NUDT2: variants seen among roughly 807,000 people sequenced by gnomAD.
The protein encoded by NUDT2 is bis(5'-nucleosyl)-tetraphosphatase [asymmetrical].
In NUDT2, 12 loss-of-function variants were observed where a neutral mutation model predicts 14.2. The ratio of observed to expected loss-of-function variants is 0.84; its 90% CI spans 0.54 to 1.37. NUDT2 has a LOEUF of 1.37. Among genes scored for constraint, NUDT2 ranks in the 40% most tolerant of loss-of-function variants. NUDT2 has a pLI of 0.00. For missense variants in NUDT2, 167 were observed against 176.7 expected (o/e 0.95, Z 0.31); for synonymous variants, 67 against 67.4 (o/e 0.99, Z 0.03).
intron 2 of NUDT2, among the ~76,000 whole-genome samples, 191 bp from the exon 3 acceptor site, chr9:34,338,522 A>AC (rs1838155582): frequency 6.8e-6 from 1 of 147,858 alleles, no homozygotes; most frequent in Admixed American, 6.9e-5. Flanking sequence ...AAAAAAAAAA[A>AC]CTCAACGAAA....
At chr9:34,338,912 T>G (rs2131859434) in intron 3 of NUDT2, 65 bp downstream of exon 3, 131 of 856,656 alleles carry the variant, frequency 1.5e-4, no homozygotes, top group Middle Eastern at 2.4e-4. Flanking sequence ...CTGTGGGCTA[T>G]GAGATCACAG....
intron 1 of NUDT2, among the ~76,000 whole-genome samples, chr9:34,334,676 G>A (rs1838040954): frequency 6.6e-6 from 1 of 152,190 alleles, no homozygotes; most frequent in African/African-American, 2.4e-5. Context: ...GTTCTTTTGA[G>A]TCAATGAACA....
At chr9:34,338,380 T>C (rs1838151617) in intron 2 of NUDT2, among the ~76,000 whole-genome samples, 2 of 128,632 alleles carry the variant, frequency 1.6e-5, no homozygotes, top group Non-Finnish European at 3.2e-5. Flanking sequence ...GGTGGTGGCA[T>C]GCCTGTAGTC....
chr9:34,339,268 C>CAAAAAAAA, intron 4 of NUDT2, 102 bp downstream of exon 4: 1 of 1,420,192 alleles, frequency 7.0e-7, no homozygotes, highest in Admixed American at 2.0e-5. Context: ...GACTGTGTAG[C>CAAAAAAAA]AAAAAGGGGT....
At chr9:34,339,300 C>T in intron 4 of NUDT2, 134 bp downstream of exon 4, 1 of 1,050,078 alleles carries the variant, frequency 9.5e-7, no homozygotes, top group South Asian at 1.6e-5. Context: ...GAGCTCTTGA[C>T]CCTTTCTACA....
At chr9:34,330,594 GGTT>G (rs1201514943) in intron 1 of NUDT2, among the ~76,000 whole-genome samples, 3 of 152,206 alleles carry the variant, frequency 2.0e-5, no homozygotes, top group African/African-American at 7.2e-5. Flanking sequence ...TGCCTCAGCG[GGTT>G]GTTGTGAAGA....
Position 34,339,114 on chromosome 9 carries a change from G to A in NUDT2, c.75G>A (p.Glu25=), listed in dbSNP as rs1278850270. Residue 25 remains glutamate, a synonymous_variant, in exon 4 of 5, where the codon GAG becomes GAA. Coordinates refer to ENST00000379158, the MANE Select transcript of NUDT2 (RefSeq NM_001161.5). ...LIPKVDNNAI[E]FLLLQASDGI... ...CCAAAGTGGACAACAATGCAATTGA[G>A]TTTTTACTGCTGCAGGCATCAGATG... The A allele has an allele frequency of 1.9e-6, 3 of 1,614,168 alleles. No individual in the cohort carries two copies. The highest frequency in any genetic ancestry group is 1.1e-5 in the South Asian group (1 of 91,082).
chr9:34,342,883 G>A (rs79168492), intron 4 of NUDT2, among the ~76,000 whole-genome samples: 7,971 of 152,018 alleles, frequency 0.052, 296 homozygotes, highest in Non-Finnish European at 0.08. Context: ...ATAAATAGCT[G>A]GGCATGGTGG....
At chr9:34,342,881 C>G (rs530807655) in intron 4 of NUDT2, among the ~76,000 whole-genome samples, 1 of 151,950 alleles carries the variant, frequency 6.6e-6, no homozygotes, top group Admixed American at 6.6e-5. Flanking sequence ...AAATAAATAG[C>G]TGGGCATGGT....
intron 1 of NUDT2, among the ~76,000 whole-genome samples, chr9:34,332,335 C>A (rs771116448): frequency 6.6e-6 from 1 of 152,170 alleles, no homozygotes; most frequent in African/African-American, 2.4e-5. Context: ...ACCTTGTTAA[C>A]CTAAAGATGC....
rs1563970252 is a variant in NUDT2, at chr9:34,329,597, C to G, written c.-267C>G. ...GTCCGCCTCCTACCTCCTTCTGCTT[C>G]GGGTGAGTACCCTTAAGGGCCCACT... is the stretch of plus-strand genomic sequence containing the variant. On this transcript the variant is annotated splice_region_variant and 5_prime_UTR_variant, in exon 1 of 5. Transcript: ENST00000379158. The G allele has an allele frequency of 6.6e-6, 1 of 152,264 alleles. No homozygotes were observed. The highest frequency in any genetic ancestry group is 1.5e-5 in the Non-Finnish European group (1 of 68,134). 9.4% of individuals were successfully genotyped at this position (152,264 alleles called of 1,614,324 possible).
At chr9:34,343,058 G>C in intron 4 of NUDT2, 66 bp from the exon 5 acceptor site, 1 of 1,461,568 alleles carries the variant, frequency 6.8e-7, no homozygotes, top group Admixed American at 2.2e-5. Flanking sequence ...ATCTTGTCTG[G>C]AAAATCCAGC....
rs775276310 is a variant in NUDT2 at position 34,339,076 on chromosome 9, A to T, written c.37A>T (p.Arg13Ter). 6.2e-7 allele frequency: 1 copy of T among 1,613,966 alleles called. No homozygotes were observed. ...AGCATGTGGCTTGATCATCTTCCGAAGATGCCTCATTCCCAAAGTGGACAA... is the reference window on the plus strand; with the variant it reads ...AGCATGTGGCTTGATCATCTTCCGATGATGCCTCATTCCCAAAGTGGACAA... ...LRACGLIIFR[R>*]CLIPKVDNNA... The change falls in exon 4 of 5, where the codon AGA (arginine) becomes TGA (stop). Residue 13 changes from arginine to a stop codon, truncating the protein, a stop_gained. Coordinates refer to ENST00000379158, the MANE Select transcript of NUDT2 (RefSeq NM_001161.5). LOFTEE classifies it high-confidence loss of function.
At chr9:34,340,821 T>G (rs1820166005) in intron 4 of NUDT2, among the ~76,000 whole-genome samples, 1 of 152,218 alleles carries the variant, frequency 6.6e-6, no homozygotes, top group African/African-American at 2.4e-5. Flanking sequence ...GCAGGGACTT[T>G]ATTTTTTAAA....
intron 1 of NUDT2, among the ~76,000 whole-genome samples, chr9:34,330,989 T>C (rs1837913725): frequency 6.6e-6 from 1 of 152,132 alleles, no homozygotes; most frequent in African/African-American, 2.4e-5. Flanking sequence ...ATTATTCTTA[T>C]AATAAGAACA....
intron 1 of NUDT2, among the ~76,000 whole-genome samples, chr9:34,334,614 C>G (rs778803694): frequency 1.3e-5 from 2 of 152,142 alleles, no homozygotes; most frequent in Non-Finnish European, 2.9e-5. Flanking sequence ...GGCTATTTCC[C>G]AGGGCCCCAG....
intron 1 of NUDT2, among the ~76,000 whole-genome samples, chr9:34,331,031 T>C (rs1837915780): frequency 6.6e-6 from 1 of 152,210 alleles, no homozygotes; most frequent in South Asian, 2.1e-4. Flanking sequence ...GTTGGTGTAC[T>C]TTTTGTAACT....
At chr9:34,341,601 C>T (rs924416320) in intron 4 of NUDT2, among the ~76,000 whole-genome samples, 1 of 152,232 alleles carries the variant, frequency 6.6e-6, no homozygotes, top group Non-Finnish European at 1.5e-5. Flanking sequence ...CCTCCGCCTC[C>T]TGGGCTCAAG....
intron 4 of NUDT2, among the ~76,000 whole-genome samples, chr9:34,342,854 C>CAAATAAAT (rs773863442): frequency 2.0e-5 from 3 of 151,494 alleles, no homozygotes; most frequent in Non-Finnish European, 4.4e-5. Flanking sequence ...CCATCTTTAC[C>CAAATAAAT]AAATAAATAA....
Sources: allele counts gnomAD v4.1 joint callset (sites outside exome capture counted in the v4.1 genomes callset), GRCh38; gene constraint gnomAD v4.1.1; transcripts MANE v1.5; gene names NCBI Gene and HGNC (gene_info 2026-07-23, HGNC 2026-07-21).